Variants in MREG observed in about 807,000 individuals in gnomAD.
MREG encodes melanoregulin, also known as dilute suppressor protein homolog.
In MREG, 31 loss-of-function variants were observed where a neutral mutation model predicts 28.5. That is an observed-to-expected ratio of 1.09 (90% CI 0.82 to 1.47). The LOEUF is 1.47. Among genes scored for constraint, MREG ranks in the 40% most tolerant of loss-of-function variants. MREG has a pLI of 0.00. For missense variants in MREG, 256 were observed against 257.4 expected (o/e 0.99, Z 0.04); for synonymous variants, 106 against 95.2 (o/e 1.11, Z -0.66).
Position 215,943,968 on chromosome 2 carries a change from CTCTTTT to C in MREG, c.*889_*894del, listed in dbSNP as rs1302717954. On this transcript the variant is annotated 3_prime_UTR_variant, in exon 5 of 5. Coordinates refer to ENST00000263268, the MANE Select transcript of MREG (RefSeq NM_018000.3). ...GCAAGTACAACACATGAATACATAA[CTCTTTT>C]TTTTTTTTTTTTTTTTTTTTTTTGA... is the stretch of plus-strand genomic sequence containing the variant. 1.8e-4 allele frequency: 22 copies of C among 121,138 alleles called. No homozygotes were observed. Among genetic ancestry groups the C allele is most frequent in the African/African-American group, 6.8e-4 (21 of 30,718 alleles). The allele number at this position is 121,138 out of a possible 1,614,324, so 7.5% of individuals were successfully genotyped here.
chr2:215,967,289 A>C (rs1257227421), intron 2 of MREG, among the ~76,000 whole-genome samples: 13 of 152,210 alleles, frequency 8.5e-5, no homozygotes, highest in African/African-American at 2.7e-4. Context: ...AGCCATTAAA[A>C]CATTTCCTGT....
intron 1 of MREG, among the ~76,000 whole-genome samples, chr2:216,019,432 ACTAT>A (rs1255014261): frequency 6.6e-6 from 1 of 151,692 alleles, no homozygotes; most frequent in Non-Finnish European, 1.5e-5. Context: ...AGAAACAGAC[ACTAT>A]CTATCTGTTT....
intron 3 of MREG, among the ~76,000 whole-genome samples, chr2:215,946,323 C>A (rs1030014179): frequency 6.6e-6 from 1 of 151,370 alleles, no homozygotes; most frequent in Non-Finnish European, 1.5e-5. Flanking sequence ...GCATGCCAAC[C>A]AAAGCCATAG....
At chr2:215,995,883 G>A (rs1404279935) in intron 2 of MREG, among the ~76,000 whole-genome samples, 3 of 148,550 alleles carry the variant, frequency 2.0e-5, no homozygotes, top group African/African-American at 2.5e-5. Context: ...CTTTAAACAG[G>A]AAAAAAAAAA....
intron 2 of MREG, among the ~76,000 whole-genome samples, chr2:215,950,487 T>C (rs1177451307): frequency 6.6e-6 from 1 of 152,216 alleles, no homozygotes; most frequent in African/African-American, 2.4e-5. Flanking sequence ...GGATCCATAG[T>C]TGATGCATCT....
In MREG at chr2:215,954,484, A is replaced by AC. The variant is rs1553547423; in HGVS notation, c.256-7372_256-7371insG. On this transcript the variant is annotated intron_variant, in intron 2 of 4. Transcript: ENST00000263268. ...CACACACACACACACACACACACAC[A>AC]AAACAACCAGAAGAGTATTGCTCAA... is the stretch of plus-strand genomic sequence containing the variant. 6.6e-5 allele frequency among the ~76,000 whole-genome samples: 10 copies of AC among 151,378 alleles called. No individual in the cohort carries two copies. The South Asian group carries it at 8.4e-4, about 13-fold the overall frequency.
chr2:216,032,999 T>C (rs1407353428), upstream of MREG: 1 of 152,242 alleles, frequency 6.6e-6, no homozygotes, highest in East Asian at 1.9e-4. Flanking sequence ...CCACAATTAT[T>C]TGAATACAAA....
intron 1 of MREG, among the ~76,000 whole-genome samples, chr2:216,030,880 T>G (rs1358493575): frequency 6.6e-6 from 1 of 151,216 alleles, no homozygotes; most frequent in African/African-American, 2.4e-5. Context: ...TGTGGGCAAT[T>G]TATTTCGGCA....
chr2:215,954,322 A>G (rs541757013), intron 2 of MREG, among the ~76,000 whole-genome samples: 2 of 152,236 alleles, frequency 1.3e-5, no homozygotes, highest in East Asian at 1.9e-4. Context: ...TCTTTTCACA[A>G]TCTGAAGACC....
chr2:215,995,336 C>T (rs3770546), intron 2 of MREG, among the ~76,000 whole-genome samples: 21,110 of 152,192 alleles, frequency 0.14, 1,803 homozygotes, highest in African/African-American at 0.23. Context: ...TCTCTAACCC[C>T]TCCAAAGCAT....
intron 2 of MREG, among the ~76,000 whole-genome samples, chr2:215,953,880 A>T (rs1473058148): frequency 6.6e-6 from 1 of 152,248 alleles, no homozygotes; most frequent in Admixed American, 6.5e-5. Context: ...TATTAGTTTC[A>T]TATTTTCCCA....
At chr2:216,009,541 C>A (rs1305743728) in intron 1 of MREG, among the ~76,000 whole-genome samples, 2 of 152,090 alleles carry the variant, frequency 1.3e-5, no homozygotes, top group Non-Finnish European at 2.9e-5. Flanking sequence ...GCAGTAGGCT[C>A]CATGGTGCCA....
chr2:216,022,621 A>G (rs1034031657), intron 1 of MREG, among the ~76,000 whole-genome samples: 2 of 152,162 alleles, frequency 1.3e-5, no homozygotes, highest in Non-Finnish European at 2.9e-5. Flanking sequence ...GAACAGTCTC[A>G]ATTCTCAGCC....
chr2:215,949,057 C>A (rs1323561482), intron 2 of MREG, among the ~76,000 whole-genome samples: 2 of 138,902 alleles, frequency 1.4e-5, no homozygotes, highest in Non-Finnish European at 3.1e-5. Context: ...ACTACTACTA[C>A]TACTACTACT....
At chr2:215,998,593 T>A (rs1693934923) in intron 1 of MREG, among the ~76,000 whole-genome samples, 1 of 152,186 alleles carries the variant, frequency 6.6e-6, no homozygotes, top group African/African-American at 2.4e-5. Context: ...AGGCACACTA[T>A]GCTCAGAACC....
chr2:215,998,954 A>G (rs926224157), intron 1 of MREG, among the ~76,000 whole-genome samples: 2 of 152,242 alleles, frequency 1.3e-5, no homozygotes, highest in Admixed American at 6.5e-5. Context: ...ACAAACAGGA[A>G]GAAGTGATAC....
intron 1 of MREG, among the ~76,000 whole-genome samples, chr2:215,996,712 T>C (rs1288641213): frequency 6.6e-6 from 1 of 151,820 alleles, no homozygotes; most frequent in African/African-American, 2.4e-5. Flanking sequence ...AGGTAATTAC[T>C]ACAGTTAAAT....
chr2:216,007,407 ATT>A (rs1694185633), intron 1 of MREG, among the ~76,000 whole-genome samples: 1 of 76,436 alleles, frequency 1.3e-5, no homozygotes, highest in Non-Finnish European at 2.6e-5. Context: ...GCAACATTTT[ATT>A]TATTTATTTA....
At chr2:215,953,833 T>C (rs1315573909) in intron 2 of MREG, among the ~76,000 whole-genome samples, 3 of 152,250 alleles carry the variant, frequency 2.0e-5, no homozygotes, top group South Asian at 4.1e-4. Context: ...AGCCCACTCA[T>C]TGAGTATATA....
Sources: gnomAD v4.1 joint callset for allele counts (sites outside exome capture counted in the v4.1 genomes callset) on GRCh38, gnomAD v4.1.1 for gene constraint, MANE v1.5 for transcripts, NCBI Gene and HGNC (gene_info 2026-07-23, HGNC 2026-07-21) for gene names.